The following ZBTB20 variants were observed in gnomAD, a reference collection of about 807,000 sequenced individuals.
ZBTB20 encodes the protein zinc finger and BTB domain containing 20, also known as zinc finger and BTB domain-containing protein 20.
A neutral mutation model predicts 56.9 loss-of-function variants in ZBTB20; 9 were observed. The ratio of observed to expected loss-of-function variants is 0.16; its 90% confidence interval spans 0.10 to 0.28. The LOEUF (loss-of-function observed/expected upper bound fraction) is 0.28. Among genes scored for constraint, ZBTB20 ranks in the 10% least tolerant of loss-of-function variants. ZBTB20 has a pLI of 1.00. For synonymous variants in ZBTB20, 417 were observed against 420.7 expected (o/e 0.99, Z 0.11); for missense variants, 655 against 1,003.0 (o/e 0.65, Z 4.69).
At chr3:114,395,283 A>AG (rs1040443210) in intron 7 of ZBTB20, among the ~76,000 whole-genome samples, 1 of 152,144 alleles carries the variant, frequency 6.6e-6, no homozygotes, top group African/African-American at 2.4e-5. Context: ...ATACAATGTT[A>AG]GAAAAAAAAG....
At chr3:114,417,571 G>C (rs1402313120) in intron 7 of ZBTB20, among the ~76,000 whole-genome samples, 4 of 152,028 alleles carry the variant, frequency 2.6e-5, no homozygotes, top group African/African-American at 9.7e-5. Context: ...AATATAAAAG[G>C]TAGTATCATT....
At chr3:114,412,197 C>G (rs1375845864) in intron 7 of ZBTB20, among the ~76,000 whole-genome samples, 1 of 152,164 alleles carries the variant, frequency 6.6e-6, no homozygotes, top group Non-Finnish European at 1.5e-5. Context: ...CTACAACTTA[C>G]TAACACCATT....
chr3:114,956,880 T>C (rs576584722), intron 3 of ZBTB20, among the ~76,000 whole-genome samples: 15 of 152,298 alleles, frequency 9.8e-5, no homozygotes, highest in African/African-American at 3.6e-4. Flanking sequence ...CTGTTCATAC[T>C]GACATAATGC....
At chr3:115,002,198 C>T (rs1267775020) in intron 2 of ZBTB20, among the ~76,000 whole-genome samples, 1 of 151,444 alleles carries the variant, frequency 6.6e-6, no homozygotes, top group Non-Finnish European at 1.5e-5. Flanking sequence ...AATCTAGACA[C>T]TGACATTAAA....
chr3:114,478,993 C>A (rs1036432030), intron 7 of ZBTB20, among the ~76,000 whole-genome samples: 1 of 151,502 alleles, frequency 6.6e-6, no homozygotes, highest in East Asian at 1.9e-4. Flanking sequence ...CTAGCAAGCT[C>A]ACAGTACTGA....
intron 4 of ZBTB20, among the ~76,000 whole-genome samples, chr3:114,881,228 T>A (rs550384465): frequency 1.4e-4 from 22 of 152,214 alleles, no homozygotes; most frequent in African/African-American, 5.3e-4. Flanking sequence ...CTTACAAAGA[T>A]GTCAGTCAGC....
chr3:114,692,368 G>A (rs905664022), intron 6 of ZBTB20, among the ~76,000 whole-genome samples: 38 of 152,072 alleles, frequency 2.5e-4, no homozygotes, highest in African/African-American at 8.9e-4. Context: ...AGAGATAGAT[G>A]TGCAACAGAA....
At chr3:114,731,119 T>C (rs1049402316) in intron 5 of ZBTB20, among the ~76,000 whole-genome samples, 1 of 152,174 alleles carries the variant, frequency 6.6e-6, no homozygotes, top group Non-Finnish European at 1.5e-5. Context: ...GAAAGCAACA[T>C]AATTTATCTT....
intron 7 of ZBTB20, among the ~76,000 whole-genome samples, chr3:114,422,426 C>A (rs1157764122): frequency 1.3e-5 from 2 of 152,112 alleles, no homozygotes; most frequent in East Asian, 3.9e-4. Context: ...CGGACGTTAC[C>A]CGCCTTACAT....
At chr3:114,692,651 T>C (rs2062767118) in intron 6 of ZBTB20, among the ~76,000 whole-genome samples, 1 of 152,108 alleles carries the variant, frequency 6.6e-6, no homozygotes, top group African/African-American at 2.4e-5. Flanking sequence ...GCCAGTGCAT[T>C]TCAATGCAGG....
intron 3 of ZBTB20, among the ~76,000 whole-genome samples, chr3:114,928,342 CAATGATGGAG>C: frequency 6.6e-6 from 1 of 151,378 alleles, no homozygotes; most frequent in Non-Finnish European, 1.5e-5. Context: ...CAAGGTTCTT[CAATGATGGAG>C]AACCTCAAGG....
At chr3:114,930,174 G>A (rs1053998143) in intron 3 of ZBTB20, among the ~76,000 whole-genome samples, 15 of 152,116 alleles carry the variant, frequency 9.9e-5, no homozygotes, top group Non-Finnish European at 2.1e-4. Context: ...CTACTAAGTA[G>A]TGAGTAAGAG....
intron 2 of ZBTB20, among the ~76,000 whole-genome samples, chr3:115,037,332 T>C (rs980706789): frequency 2.0e-5 from 3 of 152,138 alleles, no homozygotes; most frequent in Non-Finnish European, 4.4e-5. Flanking sequence ...TCACCCAAGC[T>C]AGAGTGCAGT....
chr3:114,748,307 TTTCTTTCTTTCTTTCTTTCTTTCTTTC>T (rs1427098674), intron 5 of ZBTB20, among the ~76,000 whole-genome samples: 4 of 137,946 alleles, frequency 2.9e-5, no homozygotes, highest in African/African-American at 1.2e-4. Flanking sequence ...TCTTTCTTTC[TTTCTTTCTTTCTTTCTTTCTTTCTTTC>T]TTCTTTCTTT....
At chr3:115,145,964 C>T (rs1560607419) in intron 1 of ZBTB20, among the ~76,000 whole-genome samples, 2 of 152,144 alleles carry the variant, frequency 1.3e-5, no homozygotes, top group South Asian at 4.1e-4. Context: ...TATACACCGC[C>T]ACGCAGTGAG....
At chr3:114,457,923 T>TA (rs755300049) in intron 7 of ZBTB20, among the ~76,000 whole-genome samples, 10 of 151,880 alleles carry the variant, frequency 6.6e-5, no homozygotes, top group African/African-American at 1.7e-4. Flanking sequence ...AATAAGCAAA[T>TA]AAAAAAAACA....
intron 4 of ZBTB20, among the ~76,000 whole-genome samples, chr3:114,878,876 C>A (rs2076295045): frequency 6.6e-6 from 1 of 152,004 alleles, no homozygotes; most frequent in Non-Finnish European, 1.5e-5. Context: ...AAATAACACA[C>A]AAAAAAGAAA....
Position 114,401,494 on chromosome 3 carries a change from T to A in ZBTB20, c.-254-12389A>T, listed in dbSNP as rs2086824620. On this transcript the variant is annotated intron_variant, in intron 7 of 11. Coordinates refer to ENST00000675478, the MANE Select transcript of ZBTB20 (RefSeq NM_001348800.3). The stretch of plus-strand genomic sequence containing the variant: ...TCTTTTTTGTTTGACCAGAGAGTGA[T>A]ATTCCAAAGGTTCTTGGCCGAGATC... Among the ~76,000 whole-genome samples the A allele has an allele frequency of 2.0e-5, 3 of 152,278 alleles. No homozygotes were observed. The South Asian group carries it at 6.2e-4, about 32-fold the overall frequency.
At chr3:114,967,562 T>C (rs2077694268) in intron 3 of ZBTB20, among the ~76,000 whole-genome samples, 1 of 152,080 alleles carries the variant, frequency 6.6e-6, no homozygotes, top group African/African-American at 2.4e-5. Flanking sequence ...GGGCATTTTG[T>C]AGGCATATAC....
Sources: allele counts gnomAD v4.1 joint callset (sites outside exome capture counted in the v4.1 genomes callset), GRCh38; gene constraint gnomAD v4.1.1; transcripts MANE v1.5; gene names NCBI Gene and HGNC (gene_info 2026-07-23, HGNC 2026-07-21).